Variants in FGF13 observed in about 807,000 individuals in gnomAD.
FGF13 encodes the protein fibroblast growth factor 13, also known as fibroblast growth factor homologous factor 2.
A neutral mutation model predicts 19.5 loss-of-function variants in FGF13; 2 were observed. The ratio of observed to expected loss-of-function variants is 0.10; its 90% CI spans 0.04 to 0.32. The LOEUF (loss-of-function observed/expected upper bound fraction) is 0.32. Among genes scored for constraint, FGF13 ranks in the 10% least tolerant of loss-of-function variants. The pLI, the probability that FGF13 is intolerant of heterozygous loss-of-function variation, is 1.00. For synonymous variants in FGF13, 72 were observed against 76.9 expected (o/e 0.94, Z 0.33); for missense variants, 113 against 192.7 (o/e 0.59, Z 2.45).
At chrX:139,179,418 C>T (rs762355722) in intron 1 of FGF13, among the ~76,000 whole-genome samples, 8 of 105,265 alleles carry the variant, frequency 7.6e-5, no homozygotes, top group African/African-American at 2.4e-4. Context: ...TCTGCTCCTA[C>T]AGTATGAGTC....
chrX:138,941,021 G>A (rs898244873), intron 1 of FGF13, among the ~76,000 whole-genome samples: 2 of 111,260 alleles, frequency 1.8e-5, no homozygotes, highest in African/African-American at 6.5e-5. Flanking sequence ...ATCTCTTCAT[G>A]TTAAAAACCC....
At chrX:139,160,911 T>C (rs906158353) in intron 1 of FGF13, among the ~76,000 whole-genome samples, 10 of 111,586 alleles carry the variant, frequency 9.0e-5, no homozygotes, top group Non-Finnish European at 1.7e-4. Flanking sequence ...AATTCTACCA[T>C]TGGTACAAAG....
At chrX:139,054,284 A>C (rs1304474472) in intron 1 of FGF13, among the ~76,000 whole-genome samples, 1 of 108,490 alleles carries the variant, frequency 9.2e-6, no homozygotes, top group African/African-American at 3.4e-5. Context: ...CACCATGCCC[A>C]GCTAATTTTT....
intron 1 of FGF13, among the ~76,000 whole-genome samples, chrX:139,176,006 A>G (rs2084179518): frequency 8.9e-6 from 1 of 111,846 alleles, no homozygotes; most frequent in Non-Finnish European, 1.9e-5. Context: ...CAATGGTAGA[A>G]TTAGGCTGTG....
intron 1 of FGF13, among the ~76,000 whole-genome samples, chrX:138,930,959 G>A (rs917524452): frequency 8.9e-6 from 1 of 112,561 alleles, no homozygotes. Flanking sequence ...AATGAAAAAT[G>A]AACAGAAAGG....
chrX:138,938,208 C>A (rs181372135), intron 1 of FGF13, among the ~76,000 whole-genome samples: 1 of 111,700 alleles, frequency 9.0e-6, no homozygotes, highest in East Asian at 2.8e-4. Context: ...ATGGATGGTG[C>A]TAGGAGACCA....
intron 1 of FGF13, among the ~76,000 whole-genome samples, chrX:139,149,468 C>T (rs1361391114): frequency 1.8e-5 from 2 of 112,277 alleles, no homozygotes; most frequent in Non-Finnish European, 3.8e-5. Flanking sequence ...CTGATATTAT[C>T]TCTTACTAAA....
chrX:138,993,281 GTTAA>G (rs757560534), intron 1 of FGF13, among the ~76,000 whole-genome samples: 1 of 109,366 alleles, frequency 9.1e-6, no homozygotes, highest in Non-Finnish European at 1.9e-5. Flanking sequence ...CTGTAGTGCA[GTTAA>G]TAGTATTGTA....
intron 1 of FGF13, among the ~76,000 whole-genome samples, chrX:139,041,159 T>C (rs1004067879): frequency 1.8e-5 from 2 of 109,885 alleles, no homozygotes; most frequent in African/African-American, 6.7e-5. Context: ...ATGGCACACA[T>C]TGATCTATGT....
intron 3 of FGF13, among the ~76,000 whole-genome samples, chrX:138,804,409 A>G (rs1267349159): frequency 8.9e-6 from 1 of 112,011 alleles, no homozygotes; most frequent in Non-Finnish European, 1.9e-5. Flanking sequence ...CCTTCACCTG[A>G]ACTGTGCAAT....
At chrX:139,063,140 AG>A (rs2092341703) in intron 1 of FGF13, among the ~76,000 whole-genome samples, 1 of 112,009 alleles carries the variant, frequency 8.9e-6, no homozygotes, top group African/African-American at 3.2e-5. Flanking sequence ...AAAGAAAGTC[AG>A]AAGTAAGATG....
intron 1 of FGF13, among the ~76,000 whole-genome samples, chrX:139,197,199 T>C (rs757995653): frequency 4.5e-5 from 5 of 112,276 alleles, no homozygotes; most frequent in Non-Finnish European, 7.5e-5. Flanking sequence ...CCAAGCACCG[T>C]GTTAGTAATT....
At chrX:138,641,854 T>C (rs6654351) in intron 3 of FGF13, among the ~76,000 whole-genome samples, 1,520 of 112,044 alleles carry the variant, frequency 0.014, 26 homozygotes, top group African/African-American at 0.047. Context: ...GAATATGGAT[T>C]GCTCACTCAA....
At chrX:139,132,580 T>C (rs916485478) in intron 1 of FGF13, among the ~76,000 whole-genome samples, 1 of 112,392 alleles carries the variant, frequency 8.9e-6, no homozygotes, top group African/African-American at 3.2e-5. Flanking sequence ...AGAAATCTTA[T>C]CACTACCTTA....
chrX:138,781,695 C>G (rs1408601331), intron 3 of FGF13, among the ~76,000 whole-genome samples: 1 of 111,444 alleles, frequency 9.0e-6, no homozygotes, highest in Non-Finnish European at 1.9e-5. Context: ...GAGTCCAGGA[C>G]CAGATGGATT....
rs963161797 is a variant in FGF13, at chrX:138,973,219, T to G, written c.-112-108569A>C. 8.9e-5 allele frequency among the ~76,000 whole-genome samples: 10 copies of G among 112,097 alleles called. No individual in the cohort carries two copies. The East Asian group carries it at 2.8e-3, about 31-fold the overall frequency. ...TTGTATGTTGTGTTTCCATTTTCATTTGTCTCAAGAAATATTTAAATTTCT... is the reference window on the plus strand; with the variant it reads ...TTGTATGTTGTGTTTCCATTTTCATGTGTCTCAAGAAATATTTAAATTTCT... On this transcript the variant is annotated intron_variant, in intron 1 of 2. Coordinates refer to the FGF13 transcript ENST00000421460.
At chrX:138,752,912 C>T (rs1027009462) in intron 3 of FGF13, among the ~76,000 whole-genome samples, 11 of 112,118 alleles carry the variant, frequency 9.8e-5, no homozygotes, top group African/African-American at 9.7e-5. Context: ...TTTGAATCTG[C>T]ACCTTCCATA....
At position 138,619,465 on chromosome X, in the gene FGF13, C is replaced by T. The variant is rs2088996844; in HGVS notation, c.*13385G>A. 1 of 111,447 alleles carries T rather than the reference C, an allele frequency of 9.0e-6. No individual in the cohort carries two copies. The highest frequency in any genetic ancestry group is 9.5e-5 in the Admixed American group (1 of 10,477). 9.2% of individuals were successfully genotyped at this position (111,447 alleles called of 1,213,427 possible). On this transcript the variant is annotated 3_prime_UTR_variant, in exon 5 of 5. Coordinates refer to ENST00000315930, the MANE Select transcript of FGF13 (RefSeq NM_004114.5). ...ATGTAACAAACCTGCACATTCTGCA[C>T]ATGTACCCCAGAACTTCAAGTATAA...
At chrX:139,129,703 T>G (rs1304199681) in intron 1 of FGF13, among the ~76,000 whole-genome samples, 1 of 111,366 alleles carries the variant, frequency 9.0e-6, no homozygotes, top group East Asian at 2.8e-4. Context: ...TGGCCCTATC[T>G]GTAACACAAA....
Sources: gnomAD v4.1 joint callset for allele counts (sites outside exome capture counted in the v4.1 genomes callset) on GRCh38, gnomAD v4.1.1 for gene constraint, MANE v1.5 for transcripts, NCBI Gene and HGNC (gene_info 2026-07-23, HGNC 2026-07-21) for gene names.